Variants in KCNC4 observed in about 807,000 individuals in gnomAD.
KCNC4 encodes the protein voltage-gated potassium channel KCNC4.
KCNC4 carries 23 observed loss-of-function variants against 42.8 expected under a neutral mutation model. That is an observed-to-expected ratio of 0.54 (90% CI 0.39 to 0.76). The LOEUF (loss-of-function observed/expected upper bound fraction) is 0.76. KCNC4 is among the 30% of genes least tolerant of loss of function. KCNC4 has a pLI of 0.00. For missense variants in KCNC4, 751 were observed against 898.2 expected (o/e 0.84, Z 2.10); for synonymous variants, 422 against 393.5 (o/e 1.07, Z -0.86).
intron 1 of KCNC4, among the ~76,000 whole-genome samples, chr1:110,218,297 C>G (rs996498089): frequency 1.3e-5 from 2 of 152,146 alleles, no homozygotes; most frequent in African/African-American, 4.8e-5. Context: ...TACCCTCATC[C>G]CCTCAAACAT....
At chr1:110,252,383 C>T (rs575322547), downstream of KCNC4, among the ~76,000 whole-genome samples, 1 of 152,260 alleles carries the variant, frequency 6.6e-6, no homozygotes, top group Non-Finnish European at 1.5e-5. Context: ...TTAAATTGGT[C>T]ATTTGGGTTT....
At chr1:110,216,475 T>C (rs1229165509) in intron 1 of KCNC4, among the ~76,000 whole-genome samples, 1 of 152,236 alleles carries the variant, frequency 6.6e-6, no homozygotes, top group Non-Finnish European at 1.5e-5. Flanking sequence ...TGTTTTCTTC[T>C]CTTGTTCTGA....
At chr1:110,262,497 C>T (rs1338082568) in intron 1 of KCNC4, among the ~76,000 whole-genome samples, 2 of 152,198 alleles carry the variant, frequency 1.3e-5, no homozygotes, top group Non-Finnish European at 2.9e-5. Context: ...CTTTGATCTG[C>T]AGCCGCTGCA....
intron 1 of KCNC4, among the ~76,000 whole-genome samples, chr1:110,259,441 T>C (rs770664767): frequency 6.6e-6 from 1 of 152,210 alleles, no homozygotes; most frequent in Non-Finnish European, 1.5e-5. Flanking sequence ...TCTTACTAAA[T>C]GGACATCAAT....
chr1:110,211,729 A>AT lies in KCNC4; in HGVS notation c.231dup (p.Gly78TrpfsTer6). The AT allele has an allele frequency of 6.2e-7, 1 of 1,608,826 alleles. No homozygotes were observed. The highest frequency in any genetic ancestry group is 8.5e-7 in the Non-Finnish European group (1 of 1,177,990). ...GACGGCGGGGGCCGGCCCGAGACCG[A>AT]TGGCGGCGGTGTGGGTAGCAGCGGC... On this transcript the variant is annotated frameshift_variant, in exon 1 of 4. Transcript: ENST00000438661. LOFTEE classifies it high-confidence loss of function. The surrounding 1 kb of genome is among the most constrained non-coding windows in gnomAD (Gnocchi z 6.5).
chr1:110,257,742 A>T (rs960058387), intron 1 of KCNC4, among the ~76,000 whole-genome samples: 6 of 142,960 alleles, frequency 4.2e-5, no homozygotes, highest in Non-Finnish European at 9.2e-5. Flanking sequence ...AAAAAAAAAA[A>T]GTCCAGAGGC....
chr1:110,228,198 T>C (rs1353500568), intron 3 of KCNC4, among the ~76,000 whole-genome samples: 1 of 152,200 alleles, frequency 6.6e-6, no homozygotes, highest in African/African-American at 2.4e-5. Flanking sequence ...CAGGCCCATG[T>C]ATCAGAGTGT....
At position 110,211,836 on chromosome 1, in the gene KCNC4, G is replaced by A; in HGVS notation, c.337G>A (p.Gly113Ser). ...FAYVLNYYRT[G>S]KLHCPADVCG... is the part of the protein sequence containing the mutation. ...CTACGTGCTCAACTACTACCGCACCGGCAAGCTGCACTGCCCCGCGGACGT... is the reference window on the plus strand; with the variant it reads ...CTACGTGCTCAACTACTACCGCACCAGCAAGCTGCACTGCCCCGCGGACGT... Residue 113 changes from glycine to serine, a missense_variant, in exon 1 of 4, where the codon GGC becomes AGC. Coordinates refer to ENST00000438661, the MANE Select transcript of KCNC4 (RefSeq NM_001039574.3). The surrounding 1 kb of genome is among the most constrained non-coding windows in gnomAD (Gnocchi z 6.5). 1.2e-6 allele frequency: 2 copies of A among 1,611,692 alleles called. No homozygotes were observed. The highest frequency in any genetic ancestry group is 1.7e-6 in the Non-Finnish European group (2 of 1,179,822).
chr1:110,221,945 A>G (rs912782089), intron 1 of KCNC4: 1 of 152,176 alleles, frequency 6.6e-6, no homozygotes, highest in African/African-American at 2.4e-5. Context: ...CTCCATTCAT[A>G]ATGATTGGAC....
intron 1 of KCNC4, among the ~76,000 whole-genome samples, chr1:110,270,526 C>T (rs1310742988): frequency 1.3e-5 from 2 of 152,198 alleles, no homozygotes; most frequent in African/African-American, 4.8e-5. Context: ...GCGAGTCTTA[C>T]AAGTTGTCCC....
At chr1:110,263,045 T>C (rs1183544807) in intron 1 of KCNC4, among the ~76,000 whole-genome samples, 1 of 152,234 alleles carries the variant, frequency 6.6e-6, no homozygotes, top group Non-Finnish European at 1.5e-5. Flanking sequence ...TTTCATGACC[T>C]GTTTGCATCT....
At chr1:110,212,963 T>G (rs1329760909) in intron 1 of KCNC4, among the ~76,000 whole-genome samples, 1 of 152,016 alleles carries the variant, frequency 6.6e-6, no homozygotes, top group Non-Finnish European at 1.5e-5. Context: ...TGTTGCCGCT[T>G]CTTTTCTTTC....
intron 1 of KCNC4, among the ~76,000 whole-genome samples, chr1:110,263,709 G>C (rs989723843): frequency 2.0e-5 from 3 of 152,040 alleles, no homozygotes; most frequent in Non-Finnish European, 4.4e-5. Context: ...TTTATACATA[G>C]AATAAGAAAC....
chr1:110,222,794 T>C (rs1658169866), intron 1 of KCNC4, 170 bp from the exon 2 acceptor site: 3 of 587,976 alleles, frequency 5.1e-6, no homozygotes, highest in Non-Finnish European at 9.1e-6. Context: ...CCCAAGCATA[T>C]GGATAAAGAC....
chr1:110,267,078 G>A (rs778467677), intron 1 of KCNC4, among the ~76,000 whole-genome samples: 1 of 152,204 alleles, frequency 6.6e-6, no homozygotes, highest in Non-Finnish European at 1.5e-5. Context: ...CCCTTGGGGA[G>A]AGGGCTGCTA....
intron 1 of KCNC4, among the ~76,000 whole-genome samples, chr1:110,277,266 T>G (rs1284612539): frequency 6.6e-6 from 1 of 152,262 alleles, no homozygotes; most frequent in African/African-American, 2.4e-5. Context: ...TGGCAGCAGG[T>G]CTTGATGCCC....
In KCNC4 at chr1:110,211,175, C is replaced by A. The variant is rs1657421721; in HGVS notation, c.-325C>A. On this transcript the variant is annotated 5_prime_UTR_variant, in exon 1 of 4. Coordinates refer to ENST00000438661, the MANE Select transcript of KCNC4 (RefSeq NM_001039574.3). This position sits in a 1 kb window ranked among gnomAD's most constrained non-coding sequence, Gnocchi z 6.5. ...GTCGGGGTGAAGGCGGGGGCGTGTC[C>A]CCGGCCCAGAGCGTTTGTGTGTCCC... is the stretch of plus-strand genomic sequence containing the variant. Among the ~76,000 whole-genome samples the A allele has an allele frequency of 1.3e-5, 2 of 152,170 alleles. No individual in the cohort carries two copies.
intron 1 of KCNC4, among the ~76,000 whole-genome samples, chr1:110,212,564 C>T (rs1172933485): frequency 1.3e-5 from 2 of 152,122 alleles, no homozygotes; most frequent in East Asian, 1.9e-4. Flanking sequence ...GGAATTTGGT[C>T]TTCTGATGGG....
At chr1:110,235,868 G>GT (rs1416613753), downstream of KCNC4, 1 of 152,242 alleles carries the variant, frequency 6.6e-6, no homozygotes, top group Non-Finnish European at 1.5e-5. Flanking sequence ...TCCTTGTTGT[G>GT]TGACCCTGGG....
Sources: allele counts gnomAD v4.1 joint callset (sites outside exome capture counted in the v4.1 genomes callset), GRCh38; gene constraint gnomAD v4.1.1; non-coding constraint Gnocchi (gnomAD v3.1); transcripts MANE v1.5; gene names NCBI Gene and HGNC (gene_info 2026-07-23, HGNC 2026-07-21).